The following SNX18 variants were observed in gnomAD, a reference collection of about 807,000 sequenced individuals.
The protein encoded by SNX18 is sorting nexin-18.
SNX18 carries 35 observed loss-of-function variants against 48.7 expected under a neutral mutation model. The observed-to-expected ratio is 0.72, with a 90% CI of 0.55 to 0.95. SNX18 has a LOEUF of 0.95. Among genes scored for constraint, SNX18 ranks in the 40% least tolerant of loss-of-function variants. SNX18 has a pLI of 0.00. For missense variants in SNX18, 824 were observed against 871.0 expected, an observed-to-expected ratio of 0.95 and a Z score of 0.68; for synonymous variants, 492 against 384.7, an observed-to-expected ratio of 1.28 and a Z score of -3.26.
chr5:54,563,353 A>G, the SNX18 span, among the ~76,000 whole-genome samples: 1 of 152,162 alleles, frequency 6.6e-6, no homozygotes, highest in African/African-American at 2.4e-5. Flanking sequence ...ATATGGGTGT[A>G]CCATTTTTTA....
the SNX18 span, among the ~76,000 whole-genome samples, chr5:54,631,349 A>G: frequency 6.6e-6 from 1 of 152,256 alleles, no homozygotes; most frequent in East Asian, 1.9e-4. Flanking sequence ...ATCAATTATC[A>G]TAGAGTAAAA....
the SNX18 span, chr5:54,645,015 T>A: frequency 5.9e-5 from 9 of 152,208 alleles, no homozygotes; most frequent in African/African-American, 2.2e-4. Flanking sequence ...TGAGTGACGA[T>A]CGGCTTTGTA....
the SNX18 span, among the ~76,000 whole-genome samples, chr5:54,580,583 C>G: frequency 2.0e-5 from 3 of 152,096 alleles, no homozygotes; most frequent in Non-Finnish European, 4.4e-5. Flanking sequence ...GATTTCAAGC[C>G]AAGTTTTGTA....
the SNX18 span, among the ~76,000 whole-genome samples, chr5:54,617,070 G>A: frequency 6.6e-6 from 1 of 152,166 alleles, no homozygotes; most frequent in Non-Finnish European, 1.5e-5. Flanking sequence ...TAAACACTGA[G>A]GCAATGAATG....
At chr5:54,520,496 G>A (rs1762003143) in intron 1 of SNX18, 1 of 167,324 alleles carries the variant, frequency 6.0e-6, no homozygotes, top group South Asian at 2.1e-4. Context: ...TGAAAGTCCA[G>A]TGTAGGGGCG....
At chr5:54,620,427 A>G in the SNX18 span, among the ~76,000 whole-genome samples, 3 of 152,162 alleles carry the variant, frequency 2.0e-5, no homozygotes, top group Non-Finnish European at 4.4e-5. Flanking sequence ...GTGTCAGTTG[A>G]GTGAATATGC....
the SNX18 span, among the ~76,000 whole-genome samples, chr5:54,611,516 T>C: frequency 4.6e-5 from 7 of 152,140 alleles, no homozygotes; most frequent in East Asian, 1.9e-4. Context: ...ACTAATGGTG[T>C]CTGGAATGAC....
intron 1 of SNX18, among the ~76,000 whole-genome samples, chr5:54,528,544 G>A (rs2012870): frequency 0.29 from 43,370 of 151,956 alleles, 6,439 homozygotes; most frequent in East Asian, 0.47. Flanking sequence ...GGTGGAAAGC[G>A]CACTCCTGAT....
chr5:54,552,326 G>C, the SNX18 span, among the ~76,000 whole-genome samples: 1 of 152,166 alleles, frequency 6.6e-6, no homozygotes, highest in Non-Finnish European at 1.5e-5. Flanking sequence ...GGCCTCAGAG[G>C]GGGTGGCCCA....
At chr5:54,536,458 C>G (rs1386891027) in intron 1 of SNX18, among the ~76,000 whole-genome samples, 2 of 151,498 alleles carry the variant, frequency 1.3e-5, no homozygotes, top group Admixed American at 6.6e-5. Flanking sequence ...TCAATTCCAC[C>G]TATGAGTGAG....
the SNX18 span, among the ~76,000 whole-genome samples, chr5:54,627,004 A>G: frequency 1.3e-5 from 2 of 152,216 alleles, no homozygotes; most frequent in South Asian, 2.1e-4. Context: ...ACGTTTTTCA[A>G]TAGCTGTTCA....
At chr5:54,549,242 G>A (rs1259899351), downstream of SNX18, among the ~76,000 whole-genome samples, 3 of 152,194 alleles carry the variant, frequency 2.0e-5, no homozygotes, top group African/African-American at 7.2e-5. Flanking sequence ...CTGTGGTTAT[G>A]TGAGAAAGGA....
chr5:54,549,803 A>G (rs1256881363), downstream of SNX18, among the ~76,000 whole-genome samples: 1 of 152,218 alleles, frequency 6.6e-6, no homozygotes, highest in African/African-American at 2.4e-5. Flanking sequence ...CAGACATTGT[A>G]AGATGATGGT....
the SNX18 span, among the ~76,000 whole-genome samples, chr5:54,634,449 C>A: frequency 6.6e-6 from 1 of 152,184 alleles, no homozygotes; most frequent in Admixed American, 6.5e-5. Flanking sequence ...CCACGGGCTG[C>A]TGCATGCAGC....
At chr5:54,640,041 C>T in the SNX18 span, among the ~76,000 whole-genome samples, 2 of 152,084 alleles carry the variant, frequency 1.3e-5, no homozygotes, top group East Asian at 1.9e-4. Flanking sequence ...ACTGAACATA[C>T]GGGGATTATG....
chr5:54,614,219 G>C, the SNX18 span, among the ~76,000 whole-genome samples: 1 of 152,154 alleles, frequency 6.6e-6, no homozygotes, highest in Admixed American at 6.5e-5. Context: ...AAAAACTTTG[G>C]AGCTGGAATC....
the SNX18 span, among the ~76,000 whole-genome samples, chr5:54,625,217 A>C: frequency 6.6e-6 from 1 of 152,104 alleles, no homozygotes; most frequent in African/African-American, 2.4e-5. Flanking sequence ...ATCACCTCCA[A>C]AACATAGTGG....
chr5:54,610,384 G>A, the SNX18 span, among the ~76,000 whole-genome samples: 23 of 152,158 alleles, frequency 1.5e-4, no homozygotes, highest in Non-Finnish European at 2.8e-4. Context: ...ATGGAGGTTG[G>A]GAGCAGTTAG....
At chr5:54,620,090 GT>G in the SNX18 span, among the ~76,000 whole-genome samples, 2 of 152,082 alleles carry the variant, frequency 1.3e-5, no homozygotes, top group African/African-American at 2.4e-5. Flanking sequence ...TTTAACAATG[GT>G]TTTGTCCTTC....
Sources: gnomAD v4.1 joint callset for allele counts (sites outside exome capture counted in the v4.1 genomes callset) on GRCh38, gnomAD v4.1.1 for gene constraint, MANE v1.5 for transcripts, NCBI Gene and HGNC (gene_info 2026-07-23, HGNC 2026-07-21) for gene names.